The following TNNI3K variants were observed in gnomAD, a reference collection of about 807,000 sequenced individuals.
TNNI3K encodes the protein serine/threonine-protein kinase TNNI3K.
Under a neutral mutation model 114.5 loss-of-function variants are expected in TNNI3K, and 140 were observed. That is an observed-to-expected ratio of 1.22 (90% CI 1.07 to 1.41). TNNI3K has a LOEUF of 1.41. Ranked by LOEUF, TNNI3K falls within the 40% of genes most tolerant of loss-of-function variation. The pLI, the probability that TNNI3K is intolerant of heterozygous loss-of-function variation, is 0.00. For missense variants in TNNI3K, 1,125 were observed against 1,007.6 expected (o/e 1.12, Z -1.58); for synonymous variants, 347 against 347.5 (o/e 1.00, Z 0.02).
In TNNI3K at chr1:74,454,188, C is replaced by A. The variant is rs574727742; in HGVS notation, c.2012-9253C>A. ...AAACCAGAATAATAGGGATATCTGA[C>A]TTAAGCATTTATCATTTCTTTGGAT... On this transcript the variant is annotated intron_variant, in intron 20 of 24. Transcript: ENST00000326637. 2.0e-5 allele frequency among the ~76,000 whole-genome samples: 3 copies of A among 152,212 alleles called. No individual in the cohort carries two copies. The East Asian group carries it at 5.8e-4, about 29-fold the overall frequency.
chr1:74,417,239 T>G (rs1406147607), intron 17 of TNNI3K, among the ~76,000 whole-genome samples: 1 of 152,014 alleles, frequency 6.6e-6, no homozygotes, highest in East Asian at 1.9e-4. Flanking sequence ...ACTGCTCAGA[T>G]CTCCTGTAGA....
At chr1:74,298,594 T>A (rs577645865) in intron 5 of TNNI3K, among the ~76,000 whole-genome samples, 1 of 152,256 alleles carries the variant, frequency 6.6e-6, no homozygotes, top group African/African-American at 2.4e-5. Context: ...TCTGGTTAAA[T>A]CATCTTCTGC....
chr1:74,475,042 CA>C (rs1668121052), intron 21 of TNNI3K, among the ~76,000 whole-genome samples: 1 of 150,544 alleles, frequency 6.6e-6, no homozygotes, highest in Non-Finnish European at 1.5e-5. Flanking sequence ...TGTTGGGCCT[CA>C]AAATTTACTT....
intron 17 of TNNI3K, among the ~76,000 whole-genome samples, chr1:74,431,808 A>G (rs1254938016): frequency 1.3e-5 from 2 of 152,152 alleles, no homozygotes; most frequent in Non-Finnish European, 2.9e-5. Context: ...TTGCTTCTGA[A>G]CTTAAGCCTC....
intron 13 of TNNI3K, among the ~76,000 whole-genome samples, chr1:74,368,440 ATTTAAATTCCAAATAGTTTCC>A (rs1351049169): frequency 6.6e-6 from 1 of 151,902 alleles, no homozygotes; most frequent in Non-Finnish European, 1.5e-5. Context: ...ACTATTTGGA[ATTTAAATTCCAAATAGTTTCC>A]TTAGAATGTA....
At chr1:74,442,244 AT>A (rs1666406437) in intron 20 of TNNI3K, among the ~76,000 whole-genome samples, 1 of 151,844 alleles carries the variant, frequency 6.6e-6, no homozygotes. Context: ...TTATTAAATT[AT>A]TTTGGTACAT....
intron 5 of TNNI3K, among the ~76,000 whole-genome samples, chr1:74,318,422 C>A (rs1205319306): frequency 6.6e-6 from 1 of 152,094 alleles, no homozygotes; most frequent in Non-Finnish European, 1.5e-5. Context: ...ATAATTAATT[C>A]AATAAAGTTC....
intron 23 of TNNI3K, among the ~76,000 whole-genome samples, chr1:74,535,732 C>A (rs1186949255): frequency 6.6e-6 from 1 of 152,126 alleles, no homozygotes; most frequent in Non-Finnish European, 1.5e-5. Flanking sequence ...TAAGGTTCAA[C>A]TTAACTCTGT....
intron 17 of TNNI3K, among the ~76,000 whole-genome samples, chr1:74,430,872 T>A (rs1418095444): frequency 3.3e-5 from 5 of 151,946 alleles, no homozygotes. Flanking sequence ...ACAATAAGAG[T>A]GGAAGGAGAA....
At chr1:74,332,153 A>T (rs1660236041) in intron 6 of TNNI3K, among the ~76,000 whole-genome samples, 1 of 152,126 alleles carries the variant, frequency 6.6e-6, no homozygotes, top group South Asian at 2.1e-4. Flanking sequence ...CTTTTGTTCA[A>T]TACATGATTT....
intron 23 of TNNI3K, among the ~76,000 whole-genome samples, chr1:74,538,805 AT>A (rs1646691666): frequency 6.6e-6 from 1 of 152,176 alleles, no homozygotes; most frequent in Non-Finnish European, 1.5e-5. Context: ...GAAGCTCTGA[AT>A]TGGGAAAGAG....
intron 10 of TNNI3K, 132 bp downstream of exon 10, chr1:74,353,492 A>G: frequency 1.1e-6 from 1 of 939,496 alleles, no homozygotes; most frequent in South Asian, 1.7e-5. Flanking sequence ...AACTGCCAGC[A>G]TTTAGAATTG....
At position 74,276,338 on chromosome 1, in the gene TNNI3K, C is replaced by T. The variant is rs142653042; in HGVS notation, c.444+4630C>T. On this transcript the variant is annotated intron_variant, in intron 5 of 24. Coordinates refer to ENST00000326637, the MANE Select transcript of TNNI3K (RefSeq NM_015978.3). ...TGGGCATAATGGATGGTCATAGGAC[C>T]GAGCCTAAGAGAATCTCCCCGGAGA... 9.4e-4 allele frequency among the ~76,000 whole-genome samples: 143 copies of T among 151,912 alleles called. 2 individuals are homozygous for T. The East Asian group carries it at 0.025, about 27-fold the overall frequency.
chr1:74,456,294 TG>T (rs1268003518), intron 20 of TNNI3K, among the ~76,000 whole-genome samples: 1 of 152,072 alleles, frequency 6.6e-6, no homozygotes, highest in Non-Finnish European at 1.5e-5. Flanking sequence ...ATGATAATGA[TG>T]GATACAAGAA....
At chr1:74,244,467 T>C (rs116068631) in intron 2 of TNNI3K, among the ~76,000 whole-genome samples, 1 of 152,194 alleles carries the variant, frequency 6.6e-6, no homozygotes, top group African/African-American at 2.4e-5. Flanking sequence ...TTCAATTTTA[T>C]TTATGTAAAT....
intron 5 of TNNI3K, among the ~76,000 whole-genome samples, chr1:74,282,281 T>C (rs1384245294): frequency 6.6e-6 from 1 of 152,064 alleles, no homozygotes; most frequent in African/African-American, 2.4e-5. Flanking sequence ...TTATCACTTG[T>C]TCATGTACAA....
At chr1:74,380,710 G>A (rs903840254) in intron 17 of TNNI3K, among the ~76,000 whole-genome samples, 3 of 152,074 alleles carry the variant, frequency 2.0e-5, no homozygotes, top group African/African-American at 4.8e-5. Context: ...TTTCTTCTCT[G>A]CTCTCATTTC....
chr1:74,360,581 C>G (rs1188769254), intron 11 of TNNI3K, among the ~76,000 whole-genome samples: 1 of 152,102 alleles, frequency 6.6e-6, no homozygotes, highest in South Asian at 2.1e-4. Flanking sequence ...TTCATCCTTA[C>G]ATATGTCATG....
intron 17 of TNNI3K, among the ~76,000 whole-genome samples, chr1:74,425,857 G>A (rs1198240751): frequency 1.3e-5 from 2 of 152,042 alleles, no homozygotes; most frequent in Non-Finnish European, 2.9e-5. Flanking sequence ...CGAAGGGTTA[G>A]AGCTAAAATA....
Sources: gnomAD v4.1 joint callset for allele counts (sites outside exome capture counted in the v4.1 genomes callset) on GRCh38, gnomAD v4.1.1 for gene constraint, MANE v1.5 for transcripts, NCBI Gene and HGNC (gene_info 2026-07-23, HGNC 2026-07-21) for gene names.